MACROD2: variants seen among roughly 807,000 people sequenced by gnomAD.
MACROD2 encodes the protein ADP-ribose glycohydrolase MACROD2.
Under a neutral mutation model 70.4 loss-of-function variants are expected in MACROD2, and 36 were observed. That is an observed-to-expected ratio of 0.51 (90% CI 0.39 to 0.68). MACROD2 has a LOEUF of 0.68. Among genes scored for constraint, MACROD2 ranks in the 30% least tolerant of loss-of-function variants. The pLI is 0.00. For synonymous variants in MACROD2, 172 were observed against 178.8 expected (o/e 0.96, Z 0.30); for missense variants, 496 against 538.4 (o/e 0.92, Z 0.78).
At chr20:15,724,485 T>G (rs199752452) in intron 8 of MACROD2, among the ~76,000 whole-genome samples, 1 of 111,046 alleles carries the variant, frequency 9.0e-6, no homozygotes, top group African/African-American at 2.7e-5. Flanking sequence ...ATTTTTTTTG[T>G]TTTTTTGTTT....
chr20:16,000,941 C>T (rs2066700769), intron 15 of MACROD2, among the ~76,000 whole-genome samples: 1 of 152,148 alleles, frequency 6.6e-6, no homozygotes, highest in South Asian at 2.1e-4. Flanking sequence ...ACATAAAAGG[C>T]TTTATTTTAG....
intron 3 of MACROD2, among the ~76,000 whole-genome samples, chr20:14,230,654 T>TATATAAAAAAA: frequency 1.3e-5 from 1 of 74,240 alleles, no homozygotes; most frequent in Non-Finnish European, 2.3e-5. Context: ...TATATATATA[T>TATATAAAAAAA]AACACAGGCT....
At chr20:14,919,436 T>C (rs1017870612) in intron 5 of MACROD2, among the ~76,000 whole-genome samples, 1 of 152,234 alleles carries the variant, frequency 6.6e-6, no homozygotes, top group Non-Finnish European at 1.5e-5. Context: ...TGACTCTAAT[T>C]GTTCAACCTT....
chr20:15,202,335 A>G (rs997416733), intron 5 of MACROD2, among the ~76,000 whole-genome samples: 1 of 152,144 alleles, frequency 6.6e-6, no homozygotes, highest in Non-Finnish European at 1.5e-5. Flanking sequence ...AATATCCCTT[A>G]TATGAGAGTT....
At chr20:14,032,658 G>T (rs1027997092) in intron 2 of MACROD2, among the ~76,000 whole-genome samples, 2 of 151,998 alleles carry the variant, frequency 1.3e-5, no homozygotes, top group African/African-American at 4.8e-5. Context: ...AATGTTAACA[G>T]TATTTTTAAG....
intron 5 of MACROD2, among the ~76,000 whole-genome samples, chr20:15,113,380 A>G (rs2075969706): frequency 6.6e-6 from 1 of 152,182 alleles, no homozygotes; most frequent in Non-Finnish European, 1.5e-5. Context: ...ATGGTTCATG[A>G]GCATTTACAA....
intron 3 of MACROD2, among the ~76,000 whole-genome samples, chr20:14,087,311 G>A (rs934615071): frequency 2.6e-5 from 4 of 151,806 alleles, no homozygotes; most frequent in Non-Finnish European, 4.4e-5. Context: ...CAGGAGAATC[G>A]CTTGAACCTG....
At position 15,849,357 on chromosome 20, in the gene MACROD2, T is replaced by C. The variant is rs138998613; in HGVS notation, c.646-13388T>C. On this transcript the variant is annotated intron_variant, in intron 8 of 17. Transcript: ENST00000684519. ...CACAAAAATGCTCTTTTGGAAGATA[T>C]GTTAATGAGCTTCCTTTGAACTGTA... is the stretch of plus-strand genomic sequence containing the variant. Among the ~76,000 whole-genome samples the C allele has an allele frequency of 3.6e-3, 556 of 152,332 alleles. 2 individuals are homozygous for C. Among genetic ancestry groups the C allele is most frequent in the African/African-American group, 0.013 (537 of 41,576 alleles).
At chr20:15,825,886 A>C (rs1600954763) in intron 8 of MACROD2, among the ~76,000 whole-genome samples, 1 of 152,172 alleles carries the variant, frequency 6.6e-6, no homozygotes, top group Admixed American at 6.5e-5. Flanking sequence ...GTTGAGATTC[A>C]TGAAGAGCAG....
At chr20:15,808,369 T>G (rs977888126) in intron 8 of MACROD2, among the ~76,000 whole-genome samples, 1 of 152,172 alleles carries the variant, frequency 6.6e-6, no homozygotes, top group African/African-American at 2.4e-5. Context: ...TACCTATGAA[T>G]CTGATATAAA....
At chr20:14,706,069 G>A (rs1027327475) in intron 5 of MACROD2, among the ~76,000 whole-genome samples, 3 of 151,940 alleles carry the variant, frequency 2.0e-5, no homozygotes, top group South Asian at 2.1e-4. Context: ...TAATCCCAGC[G>A]CTTTGAGAGG....
At chr20:15,428,134 A>T (rs2046322285) in intron 6 of MACROD2, among the ~76,000 whole-genome samples, 1 of 152,156 alleles carries the variant, frequency 6.6e-6, no homozygotes, top group Admixed American at 6.5e-5. Flanking sequence ...TCTCAGACAC[A>T]ATGCTCATGT....
chr20:14,284,794 C>A (rs1226570111), intron 3 of MACROD2, among the ~76,000 whole-genome samples: 1 of 152,128 alleles, frequency 6.6e-6, no homozygotes, highest in Non-Finnish European at 1.5e-5. Context: ...TGGTTTGTTT[C>A]TCTGTTTAGT....
intron 3 of MACROD2, among the ~76,000 whole-genome samples, chr20:14,174,033 T>C (rs2081244100): frequency 6.6e-6 from 1 of 152,136 alleles, no homozygotes; most frequent in African/African-American, 2.4e-5. Context: ...TCCAAGGGAT[T>C]GAAGTGGACT....
chr20:14,461,502 C>CTT (rs1193196498), intron 3 of MACROD2, among the ~76,000 whole-genome samples: 2 of 147,528 alleles, frequency 1.4e-5, no homozygotes, highest in African/African-American at 5.0e-5. Context: ...TTCTCTAGGT[C>CTT]TTTTTTTTTT....
intron 8 of MACROD2, among the ~76,000 whole-genome samples, chr20:15,719,321 G>A (rs560588470): frequency 1.3e-5 from 2 of 152,300 alleles, no homozygotes; most frequent in South Asian, 4.1e-4. Flanking sequence ...CTCTAAGAAG[G>A]TACTGCAGCA....
chr20:15,623,700 C>CTATA (rs1367301069), intron 8 of MACROD2, among the ~76,000 whole-genome samples: 1 of 151,754 alleles, frequency 6.6e-6, no homozygotes, highest in African/African-American at 2.4e-5. Flanking sequence ...ATCTATCTAT[C>CTATA]TATCTATCTA....
intron 15 of MACROD2, among the ~76,000 whole-genome samples, chr20:16,018,789 T>C (rs2066963898): frequency 6.6e-6 from 1 of 152,230 alleles, no homozygotes; most frequent in South Asian, 2.1e-4. Flanking sequence ...CAAGTCTTTC[T>C]TGTCTTGCAA....
At chr20:15,866,586 C>T (rs991076202) in intron 9 of MACROD2, among the ~76,000 whole-genome samples, 27 of 152,130 alleles carry the variant, frequency 1.8e-4, no homozygotes, top group African/African-American at 6.5e-4. Context: ...AGATTGGCAT[C>T]TGTCATTGCC....
Sources: allele counts gnomAD v4.1 joint callset (sites outside exome capture counted in the v4.1 genomes callset), GRCh38; gene constraint gnomAD v4.1.1; transcripts MANE v1.5; gene names NCBI Gene and HGNC (gene_info 2026-07-23, HGNC 2026-07-21).